Variants in ARHGAP28 observed in about 807,000 individuals in gnomAD.
ARHGAP28 encodes the protein rho GTPase-activating protein 28.
Under a neutral mutation model 90.7 loss-of-function variants are expected in ARHGAP28, and 56 were observed. The ratio of observed to expected loss-of-function variants is 0.62; its 90% CI spans 0.50 to 0.77. The LOEUF (loss-of-function observed/expected upper bound fraction) is 0.77. ARHGAP28 is among the 30% of genes least tolerant of loss of function. The pLI, the probability that ARHGAP28 is intolerant of heterozygous loss-of-function variation, is 0.00. For synonymous variants in ARHGAP28, 308 were observed against 323.3 expected, an observed-to-expected ratio of 0.95 and a Z score of 0.51; for missense variants, 869 against 900.9, an observed-to-expected ratio of 0.96 and a Z score of 0.45.
chr18:6,889,841 A>T (rs773437834), intron 12 of ARHGAP28, 47 bp from the exon 13 acceptor site: 1 of 1,568,396 alleles, frequency 6.4e-7, no homozygotes, highest in Non-Finnish European at 8.8e-7. Context: ...AATCAGGGGC[A>T]CTTTTGACAG....
chr18:6,774,544 T>G (rs1308436877), intron 1 of ARHGAP28, among the ~76,000 whole-genome samples: 1 of 152,232 alleles, frequency 6.6e-6, no homozygotes, highest in Non-Finnish European at 1.5e-5. Context: ...AATAGATGGT[T>G]AAAAATGAAT....
chr18:6,739,607 C>T (rs962848987), intron 1 of ARHGAP28, among the ~76,000 whole-genome samples: 1 of 150,688 alleles, frequency 6.6e-6, no homozygotes, highest in African/African-American at 2.4e-5. Flanking sequence ...TAAAACTAGA[C>T]AAAATGTTCT....
chr18:6,782,584 A>ATTTTTTTTTTT (rs1567945676), intron 1 of ARHGAP28, among the ~76,000 whole-genome samples: 2 of 71,284 alleles, frequency 2.8e-5, no homozygotes, highest in African/African-American at 8.8e-5. Flanking sequence ...CGCCCAGCTA[A>ATTTTTTTTTTT]TTTTTGTATT....
At chr18:6,873,371 T>A (rs2057104866) in intron 7 of ARHGAP28, 38 bp from the exon 8 acceptor site, 1 of 1,570,754 alleles carries the variant, frequency 6.4e-7, no homozygotes, top group Admixed American at 1.9e-5. Context: ...TAATTTTCCT[T>A]TGCCATAAAA....
intron 1 of ARHGAP28, among the ~76,000 whole-genome samples, chr18:6,816,588 A>G (rs2056592186): frequency 1.3e-5 from 2 of 152,196 alleles, no homozygotes; most frequent in Non-Finnish European, 2.9e-5. Flanking sequence ...CCTCTTCTCT[A>G]GTAGAGGGAA....
At chr18:6,910,531 A>C (rs1189700837) in intron 17 of ARHGAP28, among the ~76,000 whole-genome samples, 1 of 151,992 alleles carries the variant, frequency 6.6e-6, no homozygotes, top group Non-Finnish European at 1.5e-5. Flanking sequence ...CCCTCCCCCC[A>C]GACAGCCTCA....
chr18:6,805,479 CTTTTTT>C lies in ARHGAP28; in HGVS notation c.123-19265_123-19260del, dbSNP rs756550297. Among the ~76,000 whole-genome samples the C allele has an allele frequency of 4.9e-3, 478 of 97,580 alleles. 1 individual carries two copies. The highest frequency in any genetic ancestry group is 0.02 in the African/African-American group (466 of 22,758). The allele number at this position is 97,580 out of a possible 152,430, so 64.0% of individuals were successfully genotyped here. On this transcript the variant is annotated intron_variant, in intron 1 of 17. Coordinates refer to ENST00000383472, the MANE Select transcript of ARHGAP28 (RefSeq NM_001366230.1). ...TTTAATCTGGTCTGATAACCTTTGC[CTTTTTT>C]TTTTTTTTTTTTTTTTTGAAACGGA...
intron 3 of ARHGAP28, among the ~76,000 whole-genome samples, chr18:6,847,247 T>C (rs1037549684): frequency 1.3e-5 from 2 of 152,102 alleles, no homozygotes; most frequent in Non-Finnish European, 1.5e-5. Context: ...TATGGAGCCC[T>C]AATTTCAATC....
chr18:6,811,380 T>C (rs1057032866), intron 1 of ARHGAP28, among the ~76,000 whole-genome samples: 5 of 152,192 alleles, frequency 3.3e-5, no homozygotes, highest in East Asian at 1.9e-4. Flanking sequence ...TGAACCAGCA[T>C]TGAATTTGCC....
intron 12 of ARHGAP28, among the ~76,000 whole-genome samples, 191 bp downstream of exon 12, chr18:6,887,430 GT>G (rs10651246): frequency 3.8e-4 from 52 of 138,102 alleles, no homozygotes; most frequent in South Asian, 2.8e-3. Flanking sequence ...TTGGTATCTT[GT>G]TTTTTTTTTT....
At chr18:6,853,250 A>G (rs561650730) in intron 4 of ARHGAP28, among the ~76,000 whole-genome samples, 1 of 152,192 alleles carries the variant, frequency 6.6e-6, no homozygotes, top group South Asian at 2.1e-4. Flanking sequence ...CTATCTGAAA[A>G]TCTCATTCAG....
intron 1 of ARHGAP28, among the ~76,000 whole-genome samples, chr18:6,732,003 G>A (rs543053944): frequency 4.0e-5 from 6 of 151,844 alleles, no homozygotes; most frequent in African/African-American, 7.3e-5. Context: ...TTGTATCTGC[G>A]TTATTTTTTA....
At chr18:6,907,538 A>G (rs1469140447) in intron 16 of ARHGAP28, among the ~76,000 whole-genome samples, 2 of 152,192 alleles carry the variant, frequency 1.3e-5, no homozygotes, top group Non-Finnish European at 2.9e-5. Context: ...GGGGAAAAAA[A>G]GGCAATACAA....
At chr18:6,856,160 C>T (rs1332139370) in intron 4 of ARHGAP28, among the ~76,000 whole-genome samples, 1 of 152,210 alleles carries the variant, frequency 6.6e-6, no homozygotes, top group Admixed American at 6.5e-5. Context: ...GAAATTAGCT[C>T]ATATTAGTCT....
chr18:6,851,191 G>C, intron 4 of ARHGAP28, 65 bp downstream of exon 4: 1 of 1,468,908 alleles, frequency 6.8e-7, no homozygotes, highest in East Asian at 2.3e-5. Context: ...AGATGGTTGA[G>C]CAAAACTTGA....
intron 1 of ARHGAP28, among the ~76,000 whole-genome samples, chr18:6,776,372 A>G (rs1381772973): frequency 6.6e-6 from 1 of 152,206 alleles, no homozygotes; most frequent in Non-Finnish European, 1.5e-5. Context: ...ATATTTTCCA[A>G]AAGTAGAGAA....
chr18:6,853,229 G>T (rs2056924175), intron 4 of ARHGAP28, among the ~76,000 whole-genome samples: 1 of 152,122 alleles, frequency 6.6e-6, no homozygotes, highest in South Asian at 2.1e-4. Flanking sequence ...TTCGCCAAGG[G>T]TATTCCAGAG....
intron 1 of ARHGAP28, among the ~76,000 whole-genome samples, chr18:6,763,697 A>C (rs896151970): frequency 1.3e-5 from 2 of 152,130 alleles, no homozygotes; most frequent in East Asian, 3.9e-4. Context: ...TGTCCCACAA[A>C]TATGTGCTGG....
chr18:6,843,849 ATATC>A (rs1324568806), intron 3 of ARHGAP28, among the ~76,000 whole-genome samples: 1 of 152,232 alleles, frequency 6.6e-6, no homozygotes, highest in Non-Finnish European at 1.5e-5. Context: ...ATTTCACTAA[ATATC>A]TAATACATTT....
Sources: allele counts gnomAD v4.1 joint callset (sites outside exome capture counted in the v4.1 genomes callset), GRCh38; gene constraint gnomAD v4.1.1; transcripts MANE v1.5; gene names NCBI Gene and HGNC (gene_info 2026-07-23, HGNC 2026-07-21).